Variants in HECW1 observed in about 807,000 individuals in gnomAD.
The protein encoded by HECW1 is HECT, C2 and WW domain containing E3 ubiquitin protein ligase 1, also known as E3 ubiquitin-protein ligase HECW1.
Under a neutral mutation model 182.3 loss-of-function variants are expected in HECW1, and 61 were observed. The ratio of observed to expected loss-of-function variants is 0.33; its 90% confidence interval spans 0.27 to 0.41. The LOEUF is 0.41. Among genes scored for constraint, HECW1 ranks in the 10% least tolerant of loss-of-function variants. The probability of loss-of-function intolerance (pLI) is 1.00; values close to 1 mark genes in which losing one functional copy is unlikely to be tolerated. For missense variants in HECW1, 1,739 were observed against 2,108.9 expected (o/e 0.82, Z 3.44); for synonymous variants, 859 against 832.6 (o/e 1.03, Z -0.55).
Position 43,345,463 on chromosome 7 carries a change from G to A in HECW1, c.461-15423G>A, listed in dbSNP as rs537374887. ...ATTTTATTTTCCATAAGTTATTGGGGTACAAGTGGTATTTGGTTACATGAG... is the reference window on the plus strand; with the variant it reads ...ATTTTATTTTCCATAAGTTATTGGGATACAAGTGGTATTTGGTTACATGAG... On this transcript the variant is annotated intron_variant, in intron 5 of 29. Transcript: ENST00000395891. Among the ~76,000 whole-genome samples, 6 of 151,832 alleles carry A rather than the reference G, an allele frequency of 4.0e-5. No individual in the cohort carries two copies. The East Asian group carries it at 9.7e-4, about 24-fold the overall frequency.
intron 5 of HECW1, among the ~76,000 whole-genome samples, chr7:43,321,031 A>T (rs904224311): frequency 7.2e-5 from 11 of 152,164 alleles, no homozygotes; most frequent in Non-Finnish European, 4.4e-5. Context: ...CAGGTCCCTT[A>T]ACTTTCACTC....
At position 43,348,177 on chromosome 7, in the gene HECW1, A is replaced by G. The variant is rs376918837; in HGVS notation, c.461-12709A>G. 2.0e-5 allele frequency among the ~76,000 whole-genome samples: 3 copies of G among 151,902 alleles called. No homozygotes were observed. The East Asian group carries it at 5.8e-4, about 29-fold the overall frequency. ...TTTTGTTTGTAATTTTTTAATTACCATTTTAATCTCACTGCTTGTTATTGG... is the reference window on the plus strand; with the variant it reads ...TTTTGTTTGTAATTTTTTAATTACCGTTTTAATCTCACTGCTTGTTATTGG... On this transcript the variant is annotated intron_variant, in intron 5 of 29. Transcript: ENST00000395891.
intron 2 of HECW1, among the ~76,000 whole-genome samples, chr7:43,163,368 C>T (rs572339775): frequency 1.3e-5 from 2 of 152,214 alleles, no homozygotes; most frequent in Non-Finnish European, 1.5e-5. Flanking sequence ...CATACACACC[C>T]CCACTGTGTG....
chr7:43,170,578 C>G (rs910493546), intron 2 of HECW1, among the ~76,000 whole-genome samples: 1 of 152,188 alleles, frequency 6.6e-6, no homozygotes, highest in Non-Finnish European at 1.5e-5. Context: ...ACAGCACACT[C>G]TCACTGGCAG....
chr7:43,325,451 G>T (rs188565938), intron 5 of HECW1, among the ~76,000 whole-genome samples: 2 of 152,276 alleles, frequency 1.3e-5, no homozygotes, highest in East Asian at 3.9e-4. Context: ...CTGAGATGAG[G>T]TGATCCTGAA....
chr7:43,259,254 G>T (rs1800921622), intron 3 of HECW1, among the ~76,000 whole-genome samples: 2 of 152,090 alleles, frequency 1.3e-5, no homozygotes, highest in Admixed American at 1.3e-4. Flanking sequence ...AGGTGTGGTG[G>T]TGCATGCCTG....
At chr7:43,279,168 G>T (rs2152746462) in intron 3 of HECW1, among the ~76,000 whole-genome samples, 1 of 152,294 alleles carries the variant, frequency 6.6e-6, no homozygotes, top group East Asian at 1.9e-4. Flanking sequence ...TTTGTGCTAT[G>T]TGTAAGGGCA....
At chr7:43,418,509 G>A (rs2076084758) in intron 8 of HECW1, among the ~76,000 whole-genome samples, 1 of 152,090 alleles carries the variant, frequency 6.6e-6, no homozygotes, top group Non-Finnish European at 1.5e-5. Flanking sequence ...AGGTCCCTGA[G>A]GCTGTTTTCT....
In HECW1 at chr7:43,563,643, G is replaced by A. The variant is rs1372959903; in HGVS notation, c.*1717G>A. On this transcript the variant is annotated 3_prime_UTR_variant, in exon 30 of 30. Coordinates refer to ENST00000395891, the MANE Select transcript of HECW1 (RefSeq NM_015052.5). ...CAGCACTTTGGGAGGCCGAGGTGGG[G>A]AGATCGCTTGAGGTCAGGAGTTCAA... 5.6e-6 allele frequency: 1 copy of A among 179,226 alleles called. No individual in the cohort carries two copies. Among genetic ancestry groups the A allele is most frequent in the Non-Finnish European group, 1.2e-5 (1 of 83,696 alleles). The allele number at this position is 179,226 out of a possible 1,614,324, so 11.1% of individuals were successfully genotyped here.
At chr7:43,380,380 G>A (rs995432263) in intron 6 of HECW1, among the ~76,000 whole-genome samples, 2 of 151,940 alleles carry the variant, frequency 1.3e-5, no homozygotes, top group Admixed American at 1.3e-4. Context: ...AGTTTCTTTT[G>A]CTCAACATTA....
intron 24 of HECW1, among the ~76,000 whole-genome samples, chr7:43,526,016 C>A (rs1466776067): frequency 6.6e-6 from 1 of 152,150 alleles, no homozygotes; most frequent in East Asian, 1.9e-4. Flanking sequence ...GGTAAATCTT[C>A]AAAACAATAA....
At chr7:43,308,298 TATATG>T (rs1381523346) in intron 3 of HECW1, among the ~76,000 whole-genome samples, 1 of 127,832 alleles carries the variant, frequency 7.8e-6, no homozygotes, top group Non-Finnish European at 1.6e-5. Context: ...TTATATATAT[TATATG>T]ATATATTTAT....
intron 5 of HECW1, among the ~76,000 whole-genome samples, chr7:43,331,592 C>CAAA (rs71562088): frequency 8.1e-6 from 1 of 123,798 alleles, no homozygotes. Flanking sequence ...GACTCTGTCT[C>CAAA]AAAAAAAAAA....
chr7:43,557,152 G>A (rs2082054981), intron 29 of HECW1, among the ~76,000 whole-genome samples: 1 of 152,166 alleles, frequency 6.6e-6, no homozygotes, highest in African/African-American at 2.4e-5. Context: ...ACTGTCGTTC[G>A]GGAAGACCTG....
chr7:43,562,097 CT>C lies in HECW1; in HGVS notation c.*172del. 2 of 584,042 alleles carry C rather than the reference CT, an allele frequency of 3.4e-6. No homozygotes were observed. Among genetic ancestry groups the C allele is most frequent in the Non-Finnish European group, 6.2e-6 (2 of 322,902 alleles). The allele number at this position is 584,042 out of a possible 1,614,324, so 36.2% of individuals were successfully genotyped here. A position where few individuals can be genotyped will look rare whatever the true frequency, so the allele number is the denominator to read the frequency against. On this transcript the variant is annotated 3_prime_UTR_variant, in exon 30 of 30. Transcript: ENST00000395891. ...GCTGTGCATGAAGAACTGCCTTCTT[CT>C]AAGATCTAACCTTCAGGCTTCTCTC... is the stretch of plus-strand genomic sequence containing the variant.
In HECW1 at chr7:43,317,564, A is replaced by G. The variant is rs180924186; in HGVS notation, c.353-3071A>G. On this transcript the variant is annotated intron_variant, in intron 4 of 29. Coordinates refer to ENST00000395891, the MANE Select transcript of HECW1 (RefSeq NM_015052.5). Reference sequence around the variant, plus strand: ...TGGATTTCTGCAGCTGACCCTGTCAATGCAGTTTGATTCCTAAGCAAAGAC... The same window carrying G: ...TGGATTTCTGCAGCTGACCCTGTCAGTGCAGTTTGATTCCTAAGCAAAGAC... Among the ~76,000 whole-genome samples the G allele has an allele frequency of 2.4e-4, 37 of 152,286 alleles. 1 individual carries two copies. Among genetic ancestry groups the G allele is most frequent in the Admixed American group, 2.3e-3 (35 of 15,294 alleles).
chr7:43,306,589 G>A (rs972691534), intron 3 of HECW1, among the ~76,000 whole-genome samples: 10 of 151,754 alleles, frequency 6.6e-5, no homozygotes, highest in East Asian at 1.9e-4. Flanking sequence ...TGTGTATTTC[G>A]CTTACAATTT....
Position 43,561,997 on chromosome 7 carries a change from T to C in HECW1, c.*71T>C. On this transcript the variant is annotated 3_prime_UTR_variant, in exon 30 of 30. Coordinates refer to ENST00000395891, the MANE Select transcript of HECW1 (RefSeq NM_015052.5). Reference sequence around the variant, plus strand: ...CTTCCTGGGATGATCCCCTTTTCCCTTTCCCTTAATCAACTCTCCTTTGAT... The same window carrying C: ...CTTCCTGGGATGATCCCCTTTTCCCCTTCCCTTAATCAACTCTCCTTTGAT... The C allele has an allele frequency of 1.2e-6, 1 of 860,680 alleles. No homozygotes were observed. The highest frequency in any genetic ancestry group is 1.9e-6 in the Non-Finnish European group (1 of 517,350). The allele number at this position is 860,680 out of a possible 1,614,324, so 53.3% of individuals were successfully genotyped here. A position where few individuals can be genotyped will look rare whatever the true frequency, so the allele number is the denominator to read the frequency against.
chr7:43,147,879 A>G (rs6977024), intron 2 of HECW1, among the ~76,000 whole-genome samples: 68,113 of 151,790 alleles, frequency 0.45, 15,384 homozygotes, highest in African/African-American at 0.46. Flanking sequence ...GTTTTACTAA[A>G]CTTTATATCC....
Sources: gnomAD v4.1 joint callset for allele counts (sites outside exome capture counted in the v4.1 genomes callset) on GRCh38, gnomAD v4.1.1 for gene constraint, MANE v1.5 for transcripts, NCBI Gene and HGNC (gene_info 2026-07-23, HGNC 2026-07-21) for gene names.